Variants in B3GALT1 observed in about 807,000 individuals in gnomAD.
The protein encoded by B3GALT1 is UDP-Gal:betaGlcNAc beta 1,3-galactosyltransferase, polypeptide 1.
In B3GALT1, 10 loss-of-function variants were observed where a neutral mutation model predicts 23.2. The ratio of observed to expected loss-of-function variants is 0.43; its 90% CI spans 0.27 to 0.73. B3GALT1 has a LOEUF of 0.73. Ranked by LOEUF, B3GALT1 falls within the 30% of genes least tolerant of loss-of-function variation. The pLI is 0.21. For synonymous variants in B3GALT1, 156 were observed against 141.5 expected, an observed-to-expected ratio of 1.10 and a Z score of -0.73; for missense variants, 299 against 405.4, an observed-to-expected ratio of 0.74 and a Z score of 2.25.
intron 3 of B3GALT1, among the ~76,000 whole-genome samples, chr2:167,687,519 G>A (rs1686637516): frequency 6.6e-6 from 1 of 152,068 alleles, no homozygotes; most frequent in Non-Finnish European, 1.5e-5. Context: ...AGAGAAGAGA[G>A]GGGCAAGGAT....
rs186088801 is a variant in B3GALT1 at position 167,413,126 on chromosome 2, C to T, written c.-510-77051C>T. On this transcript the variant is annotated intron_variant, in intron 1 of 4. Coordinates refer to ENST00000392690, the MANE Select transcript of B3GALT1 (RefSeq NM_020981.4). ...TACAATAATTTATTCACTTTGTGAA[C>T]GTTAATTGGGTGTACAATGATTGTG... Among the ~76,000 whole-genome samples the T allele has an allele frequency of 8.2e-4, 124 of 151,994 alleles. 3 individuals carry two copies. Among genetic ancestry groups the T allele is most frequent in the Admixed American group, 4.4e-3 (67 of 15,260 alleles).
chr2:167,646,982 A>G lies in B3GALT1; in HGVS notation c.-352+16A>G, dbSNP rs553414478. On this transcript the variant is annotated intron_variant, in intron 3 of 4. Transcript: ENST00000392690. ...CTTTGAAAGCGTAAGTGTAAAGTTTATTTGGCTTACTGTAGTTTCTTATTT... is the reference window on the plus strand; with the variant it reads ...CTTTGAAAGCGTAAGTGTAAAGTTTGTTTGGCTTACTGTAGTTTCTTATTT... Among the ~76,000 whole-genome samples the G allele has an allele frequency of 1.2e-3, 187 of 152,188 alleles. 1 individual carries two copies. The highest frequency in any genetic ancestry group is 4.4e-3 in the African/African-American group (183 of 41,520).
At chr2:167,804,406 C>A (rs1688706098) in intron 3 of B3GALT1, among the ~76,000 whole-genome samples, 1 of 151,650 alleles carries the variant, frequency 6.6e-6, no homozygotes, top group Admixed American at 6.6e-5. Flanking sequence ...ATACATGTGC[C>A]ATGTTGGTGT....
intron 1 of B3GALT1, among the ~76,000 whole-genome samples, chr2:167,480,814 A>T (rs1239231098): frequency 6.6e-6 from 1 of 152,084 alleles, no homozygotes; most frequent in African/African-American, 2.4e-5. Flanking sequence ...AGTTTCTATC[A>T]CCCAACTGGC....
intron 4 of B3GALT1, among the ~76,000 whole-genome samples, chr2:167,868,218 G>A (rs1690271467): frequency 6.6e-6 from 1 of 152,174 alleles, no homozygotes; most frequent in Admixed American, 6.5e-5. Context: ...TAAGAGTTGT[G>A]GAAGCCAAAG....
chr2:167,499,479 T>C (rs959765319), intron 2 of B3GALT1, among the ~76,000 whole-genome samples: 2 of 152,166 alleles, frequency 1.3e-5, no homozygotes, highest in African/African-American at 4.8e-5. Flanking sequence ...ACGAAATCTT[T>C]GTTAAAGAAA....
chr2:167,324,804 AC>A (rs1239255914), intron 1 of B3GALT1, among the ~76,000 whole-genome samples: 1 of 152,028 alleles, frequency 6.6e-6, no homozygotes, highest in Non-Finnish European at 1.5e-5. Flanking sequence ...ATTAGAACTT[AC>A]ATCTTCCGTC....
chr2:167,737,952 G>A (rs765379483), intron 3 of B3GALT1, among the ~76,000 whole-genome samples: 1 of 152,168 alleles, frequency 6.6e-6, no homozygotes, highest in Non-Finnish European at 1.5e-5. Context: ...TGCCTTTCCC[G>A]GACCTGAGAG....
At chr2:167,675,579 AT>A (rs1046432513) in intron 3 of B3GALT1, among the ~76,000 whole-genome samples, 6 of 152,278 alleles carry the variant, frequency 3.9e-5, no homozygotes, top group Non-Finnish European at 5.9e-5. Context: ...GGTGATTGGA[AT>A]GGGAATTCAA....
chr2:167,433,195 C>T (rs1317027982), intron 1 of B3GALT1, among the ~76,000 whole-genome samples: 1 of 152,070 alleles, frequency 6.6e-6, no homozygotes, highest in East Asian at 1.9e-4. Flanking sequence ...AGTATGTAGC[C>T]CTTTTAGGTT....
chr2:167,838,525 G>A (rs1236184529), intron 4 of B3GALT1, among the ~76,000 whole-genome samples: 1 of 152,286 alleles, frequency 6.6e-6, no homozygotes, highest in Non-Finnish European at 1.5e-5. Context: ...TGCAATTGTG[G>A]TAATAATCAA....
chr2:167,386,049 A>C (rs1379130889), intron 1 of B3GALT1, among the ~76,000 whole-genome samples: 1 of 152,248 alleles, frequency 6.6e-6, no homozygotes, highest in African/African-American at 2.4e-5. Flanking sequence ...GCAGTTGAGA[A>C]GTCAAAACAG....
At chr2:167,304,178 G>A (rs1696507347) in intron 1 of B3GALT1, among the ~76,000 whole-genome samples, 1 of 152,132 alleles carries the variant, frequency 6.6e-6, no homozygotes, top group Admixed American at 6.6e-5. Context: ...TTTCAGCCCT[G>A]CAGATACAGG....
At chr2:167,825,702 A>C (rs907631312) in intron 4 of B3GALT1, among the ~76,000 whole-genome samples, 26 of 152,046 alleles carry the variant, frequency 1.7e-4, no homozygotes, top group Admixed American at 1.4e-3. Context: ...TCTTGACTCC[A>C]GCTCCTGTAG....
At chr2:167,489,134 C>T (rs751457540) in intron 1 of B3GALT1, among the ~76,000 whole-genome samples, 5 of 152,052 alleles carry the variant, frequency 3.3e-5, no homozygotes, top group Non-Finnish European at 7.3e-5. Flanking sequence ...CTATGAACTT[C>T]CATAGGCAGA....
intron 4 of B3GALT1, among the ~76,000 whole-genome samples, chr2:167,844,309 T>C (rs1689709812): frequency 6.6e-6 from 1 of 152,106 alleles, no homozygotes; most frequent in Non-Finnish European, 1.5e-5. Flanking sequence ...CATTATGAAT[T>C]TTAGCTCCAG....
At chr2:167,368,915 A>T (rs1315659669) in intron 1 of B3GALT1, among the ~76,000 whole-genome samples, 1 of 151,850 alleles carries the variant, frequency 6.6e-6, no homozygotes, top group African/African-American at 2.4e-5. Flanking sequence ...GAGTATTCCT[A>T]AGATAGTAGA....
At chr2:167,612,104 A>G (rs1685077432) in intron 2 of B3GALT1, among the ~76,000 whole-genome samples, 1 of 151,988 alleles carries the variant, frequency 6.6e-6, no homozygotes. Context: ...CTGTGGATAA[A>G]CAAAAGAATT....
At chr2:167,715,241 T>C (rs1407918786) in intron 3 of B3GALT1, 2 of 1,613,992 alleles carry the variant, frequency 1.2e-6, no homozygotes, top group Non-Finnish European at 8.5e-7. Flanking sequence ...AGCCTGATCT[T>C]TCATCATTGG....
Sources: allele counts gnomAD v4.1 joint callset (sites outside exome capture counted in the v4.1 genomes callset), GRCh38; gene constraint gnomAD v4.1.1; transcripts MANE v1.5; gene names NCBI Gene and HGNC (gene_info 2026-07-23, HGNC 2026-07-21).